RAB44: variants seen among roughly 807,000 people sequenced by gnomAD.
The protein encoded by RAB44 is RAB44, member RAS oncogene family, also known as ras-related protein Rab-44.
A neutral mutation model predicts 93.3 loss-of-function variants in RAB44; 67 were observed. The ratio of observed to expected loss-of-function variants is 0.72; its 90% CI spans 0.59 to 0.88. The LOEUF is 0.88. Ranked by LOEUF, RAB44 falls within the 40% of genes least tolerant of loss-of-function variation. The pLI is 0.00. For synonymous variants in RAB44, 427 were observed against 520.3 expected, an observed-to-expected ratio of 0.82 and a Z score of 2.44; for missense variants, 1,064 against 1,261.7, an observed-to-expected ratio of 0.84 and a Z score of 2.37.
In RAB44 at chr6:36,717,917, G is replaced by C; in HGVS notation, c.642-111G>C. The stretch of plus-strand genomic sequence containing the variant: ...ACAGAGGTCAGTGACTGCTGGCAGA[G>C]TGAGGAAAGCAATAGGATGGATTCC... On this transcript the variant is annotated intron_variant, in intron 5 of 13. Transcript: ENST00000612677. The surrounding 1 kb of genome is among the most constrained non-coding windows in gnomAD (Gnocchi z 4.1). The C allele has an allele frequency of 1.9e-6, 1 of 515,636 alleles. No individual in the cohort carries two copies. Among genetic ancestry groups the C allele is most frequent in the Non-Finnish European group, 3.0e-6 (1 of 334,384 alleles). The allele number at this position is 515,636 out of a possible 1,614,324, so 31.9% of individuals were successfully genotyped here. A position where few individuals can be genotyped will look rare whatever the true frequency, so the allele number is the denominator to read the frequency against.
chr6:36,722,585 G>A lies in RAB44; in HGVS notation c.2451G>A (p.Pro817=), dbSNP rs920670903. Residue 817 remains proline, a synonymous_variant, in exon 9 of 14, where the codon CCG becomes CCA. Transcript: ENST00000612677. ...GGGAAGCTGGGCTGACCCCATCCCCGGGAGACCCCATGGCTGGAGGGGGAC... is the reference window on the plus strand; with the variant it reads ...GGGAAGCTGGGCTGACCCCATCCCCAGGAGACCCCATGGCTGGAGGGGGAC... ...DSREAGLTPS[P]GDPMAGGGPQ... The A allele has an allele frequency of 1.0e-5, 16 of 1,550,252 alleles. No individual in the cohort carries two copies. The highest frequency in any genetic ancestry group is 3.9e-5 in the Admixed American group (2 of 50,970).
chr6:36,713,683 C>A (rs1022462969), intron 2 of RAB44, 145 bp from the exon 3 acceptor site: 12 of 636,714 alleles, frequency 1.9e-5, no homozygotes, highest in Non-Finnish European at 3.1e-5. Context: ...GAATGTCAAG[C>A]TTAGGCCCTG....
In RAB44 at chr6:36,713,913, C is replaced by T. The variant is rs1390759344; in HGVS notation, c.293C>T (p.Ser98Phe). Reference sequence around the variant, plus strand: ...GATGTGGAGCGGAAGGGACACCTGTCCCTTGAAGAATTCAGCTCTGGACTC... The same window carrying T: ...GATGTGGAGCGGAAGGGACACCTGTTCCTTGAAGAATTCAGCTCTGGACTC... Reference protein sequence around the residue: ...WVDVERKGHLSLEEFSSGLKN... With the variant: ...WVDVERKGHLFLEEFSSGLKN... The change falls in exon 3 of 14, where the codon TCC becomes TTC. Residue 98 changes from serine (S) to phenylalanine (F), a missense_variant. Ser to Phe is a radical substitution (Grantham distance 155). Transcript: ENST00000612677. The T allele has an allele frequency of 2.0e-6, 3 of 1,534,914 alleles. No homozygotes were observed. In the African/African-American group the frequency reaches 4.1e-5, roughly 21 times the overall value.
rs1208148721 is a variant in RAB44, at chr6:36,715,513, G to C, written c.354G>C (p.Arg118Ser). Residue 118 changes from arginine to serine, a missense_variant, in exon 4 of 14, where the codon AGG (arginine) becomes AGC (serine). By Grantham distance (110) the Arg-to-Ser change is moderately radical (BLOSUM62 -1). Transcript: ENST00000612677. ...TTGGCTCCAGCCAGAGCCCCCACAG[G>C]CTCCGCAGAAGGAAGCCACTGCCCT... ...NIFGSSQSPH[R>S]LRRRKPLPSK... The C allele has an allele frequency of 1.8e-5, 28 of 1,535,992 alleles. No individual in the cohort carries two copies. The highest frequency in any genetic ancestry group is 2.4e-5 in the Non-Finnish European group (28 of 1,146,918).
rs773523689 is a variant in RAB44 at position 36,720,358 on chromosome 6, T to C, written c.829-5T>C. The C allele has an allele frequency of 7.3e-6, 9 of 1,232,342 alleles. No homozygotes were observed. The highest frequency in any genetic ancestry group is 9.1e-6 in the Non-Finnish European group (9 of 988,096). 76.3% of individuals were successfully genotyped at this position (1,232,342 alleles called of 1,614,324 possible). On this transcript the variant is annotated splice_polypyrimidine_tract_variant and splice_region_variant and intron_variant, in intron 7 of 13. Coordinates refer to ENST00000612677, the MANE Select transcript of RAB44 (RefSeq NM_001257357.2). ...CTTCTCTCCGCCTCACCCTCCACCC[T>C]GCAGCTGGAGGCCCAGCTCTCCCAC...
intron 3 of RAB44, among the ~76,000 whole-genome samples, 171 bp from the exon 4 acceptor site, chr6:36,715,308 C>T (rs1337347072): frequency 6.6e-6 from 1 of 152,080 alleles, no homozygotes; most frequent in African/African-American, 2.4e-5. Context: ...AAAATGGGTA[C>T]CTTAAATAGA....
chr6:36,725,339 T>A (rs1052593812), intron 9 of RAB44, among the ~76,000 whole-genome samples: 7 of 152,216 alleles, frequency 4.6e-5, no homozygotes, highest in African/African-American at 1.4e-4. Context: ...CCACGCCTTT[T>A]AAAACAGCAT....
chr6:36,726,914 C>T (rs754930586), intron 10 of RAB44, among the ~76,000 whole-genome samples: 1 of 149,788 alleles, frequency 6.7e-6, no homozygotes, highest in Non-Finnish European at 1.5e-5. Context: ...GATTCTTGTG[C>T]CTCAGCCTCC....
intron 2 of RAB44, among the ~76,000 whole-genome samples, chr6:36,705,404 C>T (rs1406112506): frequency 1.4e-5 from 2 of 147,754 alleles, no homozygotes; most frequent in Non-Finnish European, 3.0e-5. Context: ...CCCTCCCTCC[C>T]TCCCTTCCTT....
At chr6:36,721,112 TG>T (rs1164825627) in intron 8 of RAB44, 38 bp from the exon 9 acceptor site, 8 of 1,234,098 alleles carry the variant, frequency 6.5e-6, no homozygotes, top group Non-Finnish European at 7.1e-6. Context: ...ACCACCTACC[TG>T]CCCCTCCCCG....
chr6:36,704,368 G>A lies in RAB44; in HGVS notation c.133G>A (p.Ala45Thr). Residue 45 changes from alanine (A) to threonine (T), a missense_variant, in exon 2 of 14, where the codon GCG (alanine) becomes ACG (threonine). Coordinates refer to ENST00000612677, the MANE Select transcript of RAB44 (RefSeq NM_001257357.2). ...PEPESWSSQA[A>T]AELQAFFQDC... ...GCCAGAGTCTTGGTCCTCTCAGGCA[G>A]CGGCAGAACTGCAGGCCTTCTTCCA... 1 of 1,536,146 alleles carries A rather than the reference G, an allele frequency of 6.5e-7. No homozygotes were observed. The highest frequency in any genetic ancestry group is 8.7e-7 in the Non-Finnish European group (1 of 1,146,898).
rs1763360398 is a variant in RAB44, at chr6:36,731,337, TG to T, written c.2975+589del. On this transcript the variant is annotated intron_variant, in intron 13 of 13. Transcript: ENST00000612677. The surrounding 1 kb of genome is among the most constrained non-coding windows in gnomAD (Gnocchi z 4.0). ...TGACACGACACATATTAATGATATA[TG>T]CATTTATCTGTTTTCTTGTTGTCCA... Among the ~76,000 whole-genome samples the T allele has an allele frequency of 6.6e-6, 1 of 152,192 alleles. No individual in the cohort carries two copies. Among genetic ancestry groups the T allele is most frequent in the Non-Finnish European group, 1.5e-5 (1 of 68,030 alleles).
At position 36,731,570 on chromosome 6, in the gene RAB44, GGCC is replaced by G. The variant is rs1763365530; in HGVS notation, c.2976-432_2976-430del. On this transcript the variant is annotated intron_variant, in intron 13 of 13. Coordinates refer to ENST00000612677, the MANE Select transcript of RAB44 (RefSeq NM_001257357.2). The surrounding 1 kb of genome is among the most constrained non-coding windows in gnomAD (Gnocchi z 4.0). ...CTCTCTCGGCACTGAGCCGCGCCATGGCCCTCTGCTTGGGATGCACCTCCCCCA... is the reference window on the plus strand; with the variant it reads ...CTCTCTCGGCACTGAGCCGCGCCATGCTCTGCTTGGGATGCACCTCCCCCA... 6.6e-6 allele frequency among the ~76,000 whole-genome samples: 1 copy of G among 151,858 alleles called. No individual in the cohort carries two copies. The highest frequency in any genetic ancestry group is 2.4e-5 in the African/African-American group (1 of 41,314).
intron 4 of RAB44, 51 bp downstream of exon 4, chr6:36,715,704 G>C (rs997948337): frequency 1.4e-5 from 21 of 1,518,192 alleles, no homozygotes; most frequent in Admixed American, 5.9e-5. Flanking sequence ...AGCCATTGAC[G>C]GCAGGGGCTT....
At chr6:36,723,856 C>CAAAAAAAAAAAAAAAAAAAA (rs1202713677) in intron 9 of RAB44, among the ~76,000 whole-genome samples, 1 of 73,324 alleles carries the variant, frequency 1.4e-5, no homozygotes. Context: ...AAAAAAAAAG[C>CAAAAAAAAAAAAAAAAAAAA]AAACCCGAGG....
At position 36,731,958 on chromosome 6, in the gene RAB44, C is replaced by T. The variant is rs544540187; in HGVS notation, c.2976-45C>T. The T allele has an allele frequency of 1.6e-5, 19 of 1,202,290 alleles. No individual in the cohort carries two copies. The highest frequency in any genetic ancestry group is 1.3e-4 in the Admixed American group (3 of 23,656). The allele number at this position is 1,202,290 out of a possible 1,614,324, so 74.5% of individuals were successfully genotyped here. A position where few individuals can be genotyped will look rare whatever the true frequency, so the allele number is the denominator to read the frequency against. ...CACCCATGGGCCCATCCGTGCTGCC[C>T]GTAGGAGGTGAGAGAGAGGCCTGAT... On this transcript the variant is annotated intron_variant, in intron 13 of 13. Transcript: ENST00000612677. The surrounding 1 kb of genome is among the most constrained non-coding windows in gnomAD (Gnocchi z 4.0).
rs567475229 is a variant in RAB44 at position 36,702,293 on chromosome 6, G to GGA, written c.-12-1886_-12-1885dup. On this transcript the variant is annotated intron_variant, in intron 1 of 13. Coordinates refer to ENST00000612677, the MANE Select transcript of RAB44 (RefSeq NM_001257357.2). ...TTCATCTGAAACAGACTTCGAAGGG[G>GGA]GAGAGAGAGAGAGAGAGAGAGAGAG... is the stretch of plus-strand genomic sequence containing the variant. 9.9e-3 allele frequency among the ~76,000 whole-genome samples: 1,138 copies of GGA among 115,154 alleles called. 12 individuals are homozygous for GGA. Among genetic ancestry groups the GGA allele is most frequent in the South Asian group, 0.022 (69 of 3,114 alleles). 75.5% of individuals were successfully genotyped at this position (115,154 alleles called of 152,430 possible).
chr6:36,726,236 T>C (rs1763235632), intron 10 of RAB44, among the ~76,000 whole-genome samples: 1 of 152,120 alleles, frequency 6.6e-6, no homozygotes, highest in South Asian at 2.1e-4. Flanking sequence ...ACCTAGGCAG[T>C]AGTGATCAAA....
intron 1 of RAB44, among the ~76,000 whole-genome samples, chr6:36,701,440 T>A (rs1474994194): frequency 6.6e-6 from 1 of 152,158 alleles, no homozygotes; most frequent in Non-Finnish European, 1.5e-5. Context: ...AGTTGTCTGT[T>A]AGAACATTCC....
Sources: gnomAD v4.1 joint callset for allele counts (sites outside exome capture counted in the v4.1 genomes callset) on GRCh38, gnomAD v4.1.1 for gene constraint, Gnocchi (gnomAD v3.1) non-coding constraint, MANE v1.5 for transcripts, NCBI Gene and HGNC (gene_info 2026-07-23, HGNC 2026-07-21) for gene names.